The following APOB variants were observed in gnomAD, a reference collection of about 807,000 sequenced individuals.
APOB encodes apolipoprotein B-100.
APOB carries 153 observed loss-of-function variants against 314.1 expected under a neutral mutation model. The ratio of observed to expected loss-of-function variants is 0.49; its 90% CI spans 0.43 to 0.56. APOB has a LOEUF of 0.56. Among genes scored for constraint, APOB ranks in the 20% least tolerant of loss-of-function variants. APOB has a pLI of 0.00. For synonymous variants in APOB, 2,087 were observed against 2,036.4 expected (o/e 1.02, Z -0.67); for missense variants, 5,430 against 5,350.7 (o/e 1.01, Z -0.46).
In APOB at chr2:21,007,672, C is replaced by T. The variant is rs1271236026; in HGVS notation, c.9196G>A (p.Gly3066Arg). Residue 3066 changes from glycine (G) to arginine (R), a missense_variant, in exon 26 of 29, where the codon GGG (glycine) becomes AGG (arginine). By Grantham distance (125) the Gly-to-Arg change is moderately radical. Transcript: ENST00000233242. ...LKVRFPLRLT[G>R]KIDFLNNYAL... is the part of the protein sequence containing the mutation. ...TAGTTATTCAGGAAGTCTATCTTCC[C>T]TGTTAACCTTAATGGAAAACGAACT... 4 of 1,613,980 alleles carry T rather than the reference C, an allele frequency of 2.5e-6. No individual in the cohort carries two copies. In the African/African-American group the frequency reaches 5.3e-5, roughly 22 times the overall value.
intron 9 of APOB, among the ~76,000 whole-genome samples, chr2:21,032,947 AATC>A (rs1227720190): frequency 6.6e-6 from 1 of 152,150 alleles, no homozygotes; most frequent in Non-Finnish European, 1.5e-5. Context: ...AGGGTAGAGA[AATC>A]ATATTATATT....
Position 21,004,547 on chromosome 2 carries a change from T to C in APOB, c.11903+14A>G. The C allele has an allele frequency of 1.2e-6, 2 of 1,613,074 alleles. No homozygotes were observed. Among genetic ancestry groups the C allele is most frequent in the Non-Finnish European group, 1.7e-6 (2 of 1,179,064 alleles). On this transcript the variant is annotated intron_variant, in intron 27 of 28. Transcript: ENST00000233242. ...CAAAAGGTATAAGGTTTCAATTCAA[T>C]AAAAGCTCCATACTGAAGTCCTTCA...
In APOB at chr2:21,043,733, T is replaced by C. The variant is rs12720761; in HGVS notation, c.82+131A>G. The C allele has an allele frequency of 3.2e-3, 4,869 of 1,512,598 alleles. 137 individuals are homozygous for C. The African/African-American group carries it at 0.059, about 18-fold the overall frequency. The allele number at this position is 1,512,598 out of a possible 1,614,324, so 93.7% of individuals were successfully genotyped here. A position where few individuals can be genotyped will look rare whatever the true frequency, so the allele number is the denominator to read the frequency against. On this transcript the variant is annotated intron_variant, in intron 1 of 28. Coordinates refer to ENST00000233242, the MANE Select transcript of APOB (RefSeq NM_000384.3). Reference sequence around the variant, plus strand: ...TGAGCCTGCAGGGGCCGCCAGCTGGTCCAATCCCCCCACTCGCCCTGGACC... The same window carrying C: ...TGAGCCTGCAGGGGCCGCCAGCTGGCCCAATCCCCCCACTCGCCCTGGACC...
chr2:21,008,967 T>C lies in APOB; in HGVS notation c.7901A>G (p.Lys2634Arg). ...TGGGATTTTTATATTTTTTAAGTCTTTGAAGTTTATCTGAACTGATGGAAT... is the reference window on the plus strand; with the variant it reads ...TGGGATTTTTATATTTTTTAAGTCTCTGAAGTTTATCTGAACTGATGGAAT... ...LRIPSVQINF[K>R]DLKNIKIPSR... Residue 2634 changes from lysine to arginine, a missense_variant, in exon 26 of 29, where the codon AAA (lysine) becomes AGA (arginine). Around this residue, in one of 3 missense-constraint regions of APOB, gnomAD observed 3,281 missense variants for 3,171.0 expected, o/e 1.03. Coordinates refer to ENST00000233242, the MANE Select transcript of APOB (RefSeq NM_000384.3). 6.2e-7 allele frequency: 1 copy of C among 1,614,028 alleles called. No individual in the cohort carries two copies. Among genetic ancestry groups the C allele is most frequent in the Non-Finnish European group, 8.5e-7 (1 of 1,179,940 alleles).
intron 19 of APOB, 30 bp from the exon 20 acceptor site, chr2:21,019,143 A>G (rs1321263903): frequency 1.2e-6 from 2 of 1,613,708 alleles, no homozygotes; most frequent in African/African-American, 1.3e-5. Flanking sequence ...GACAGTGCAT[A>G]ATGTTAGAGC....
At position 21,032,504 on chromosome 2, in the gene APOB, A is replaced by T; in HGVS notation, c.1202T>A (p.Val401Glu). Residue 401 changes from valine to glutamate, a missense_variant, in exon 10 of 29, where the codon GTG becomes GAG. Physicochemically the swap from Val to Glu is moderately radical, Grantham distance 121 (BLOSUM62 -2). This residue lies in a region of APOB where 2,085 missense variants were observed against 2,079.7 expected (regional missense o/e 1.00). Coordinates refer to ENST00000233242, the MANE Select transcript of APOB (RefSeq NM_000384.3). ...ATCTATCAGAAGGGGGTTGGCATGC[A>T]CACGTTTCAGCCACTGGAGGATGTG... ...STHILQWLKRVHANPLLIDVV... is the reference protein window; with the variant it reads ...STHILQWLKREHANPLLIDVV... 6.2e-7 allele frequency: 1 copy of T among 1,614,198 alleles called. No homozygotes were observed. Among genetic ancestry groups the T allele is most frequent in the South Asian group, 1.1e-5 (1 of 91,086 alleles).
chr2:21,022,731 T>C, intron 18 of APOB, 100 bp downstream of exon 18: 1 of 1,102,256 alleles, frequency 9.1e-7, no homozygotes, highest in Non-Finnish European at 1.4e-6. Context: ...CCTCAGGACC[T>C]GAATGATCTC....
chr2:21,022,301 G>T (rs1270094915), intron 18 of APOB, among the ~76,000 whole-genome samples: 1 of 152,134 alleles, frequency 6.6e-6, no homozygotes, highest in African/African-American at 2.4e-5. Context: ...ACACATGAAT[G>T]TGTCTAAAAT....
chr2:21,034,698 C>G, intron 8 of APOB, 118 bp downstream of exon 8: 1 of 766,732 alleles, frequency 1.3e-6, no homozygotes, highest in South Asian at 1.4e-5. Context: ...AGCCAGAACA[C>G]CAGTGTCTGT....
intron 3 of APOB, 62 bp downstream of exon 3, chr2:21,042,299 G>A (rs1053061931): frequency 3.7e-6 from 5 of 1,349,976 alleles, no homozygotes; most frequent in Middle Eastern, 2.4e-4. Flanking sequence ...TTGGGCGCCC[G>A]CTGGAACAGG....
chr2:21,022,759 G>T, intron 18 of APOB, 72 bp downstream of exon 18: 2 of 1,460,804 alleles, frequency 1.4e-6, no homozygotes, highest in Non-Finnish European at 1.9e-6. Flanking sequence ...TGTTTAGCCT[G>T]GCAAAATTCT....
chr2:21,015,016 G>T, intron 23 of APOB, 57 bp downstream of exon 23: 1 of 1,510,190 alleles, frequency 6.6e-7, no homozygotes, highest in Non-Finnish European at 9.2e-7. Flanking sequence ...GCTCAGAGTT[G>T]AGGATGTAAT....
Position 21,006,944 on chromosome 2 carries a change from A to G in APOB, c.9924T>C (p.His3308=), listed in dbSNP as rs370661042. ...ILPSLELPVL[H]VPRNLKLSLP... is the part of the protein sequence containing the mutation. ...GAGAAAGCTTGAGATTTCTAGGGAC[A>G]TGAAGGACTGGCAGCTCTAATGATG... The change falls in exon 26 of 29, where the codon CAT becomes CAC. Residue 3308 remains histidine, a synonymous_variant. Transcript: ENST00000233242. The G allele has an allele frequency of 1.2e-6, 2 of 1,614,110 alleles. No individual in the cohort carries two copies. The highest frequency in any genetic ancestry group is 1.7e-6 in the Non-Finnish European group (2 of 1,179,966).
In APOB at chr2:21,002,402, A is replaced by C. The variant is rs141339310; in HGVS notation, c.13020T>G (p.Tyr4340Ter). Reference protein sequence around the residue: ...QDEINTIFSDYIPYVFKLLKE... With the variant: ...QDEINTIFSD ...TCAACAATTTAAAAACATATGGGAT[A>C]TAATCACTGAAGATTGTGTTGATCT... The change falls in exon 29 of 29, where the codon TAT (tyrosine) becomes TAG (stop). Residue 4340 changes from tyrosine (Y) to a stop codon, truncating the protein, a stop_gained. Transcript: ENST00000233242. LOFTEE classifies it low-confidence loss of function (END_TRUNC). 1 of 1,602,540 alleles carries C rather than the reference A, an allele frequency of 6.2e-7. No homozygotes were observed. Among genetic ancestry groups the C allele is most frequent in the South Asian group, 1.1e-5 (1 of 89,266 alleles).
intron 19 of APOB, among the ~76,000 whole-genome samples, chr2:21,019,474 C>T (rs548455443): frequency 6.6e-6 from 1 of 152,232 alleles, no homozygotes; most frequent in East Asian, 1.9e-4. Context: ...TCTGGAGGCT[C>T]AGAAACATGG....
rs775669767 is a variant in APOB at position 21,005,187 on chromosome 2, T to A, written c.11681A>T (p.Tyr3894Phe). 1.9e-6 allele frequency: 3 copies of A among 1,613,976 alleles called. No individual in the cohort carries two copies. The highest frequency in any genetic ancestry group is 2.5e-6 in the Non-Finnish European group (3 of 1,179,946). The stretch of plus-strand genomic sequence containing the variant: ...CAAACTGGCACTCCAAGTGGCATTA[T>A]ACACGGGAGAGTCTACCTCAAAGCG... Reference protein sequence around the residue: ...TARFEVDSPVYNATWSASLKN... With the variant: ...TARFEVDSPVFNATWSASLKN... The change falls in exon 26 of 29, where the codon TAT (tyrosine) becomes TTT (phenylalanine). Residue 3894 changes from tyrosine (Y) to phenylalanine (F), a missense_variant. Tyr to Phe is a conservative substitution (Grantham distance 22). Coordinates refer to ENST00000233242, the MANE Select transcript of APOB (RefSeq NM_000384.3).
At chr2:21,031,821 G>A (rs947197043) in intron 10 of APOB, among the ~76,000 whole-genome samples, 3 of 151,976 alleles carry the variant, frequency 2.0e-5, no homozygotes, top group Non-Finnish European at 4.4e-5. Context: ...CTGCACTCCA[G>A]CCTGGGTGAC....
chr2:21,009,548 A>G lies in APOB; in HGVS notation c.7320T>C (p.Asn2440=). The G allele has an allele frequency of 6.2e-7, 1 of 1,614,044 alleles. No homozygotes were observed. Among genetic ancestry groups the G allele is most frequent in the Non-Finnish European group, 8.5e-7 (1 of 1,179,962 alleles). Residue 2440 remains asparagine (N), a synonymous_variant, in exon 26 of 29, where the codon AAT becomes AAC. Coordinates refer to ENST00000233242, the MANE Select transcript of APOB (RefSeq NM_000384.3). ...FDYHQFVDET[N]DKIREVTQRL... ...TCTGAGTCACCTCACGGATTTTGTC[A>G]TTGGTTTCATCTACAAACTGGTGGT...
chr2:21,009,619 T>G lies in APOB; in HGVS notation c.7249A>C (p.Asn2417His), dbSNP rs776807669. The change falls in exon 26 of 29, where the codon AAC becomes CAC. Residue 2417 changes from asparagine (N) to histidine (H), a missense_variant. Physicochemically the swap from Asn to His is moderately conservative, Grantham distance 68. Around this residue, in one of 3 missense-constraint regions of APOB, gnomAD observed 3,281 missense variants for 3,171.0 expected, o/e 1.03. Coordinates refer to ENST00000233242, the MANE Select transcript of APOB (RefSeq NM_000384.3). ...TTTATCAACATGTCAAGGAATTTGT[T>G]AACATCTTCAATGAATGTTTTAAAA... The part of the protein sequence containing the change: ...LSFKTFIEDV[N>H]KFLDMLIKKL... 1.9e-6 allele frequency: 3 copies of G among 1,613,938 alleles called. No homozygotes were observed. In the Admixed American group the frequency reaches 5.0e-5, roughly 27 times the overall value.
Sources: allele counts gnomAD v4.1 joint callset (sites outside exome capture counted in the v4.1 genomes callset), GRCh38; gene constraint gnomAD v4.1.1; regional missense constraint gnomAD v4.1.1; transcripts MANE v1.5; gene names NCBI Gene and HGNC (gene_info 2026-07-23, HGNC 2026-07-21).